Variants in SMIM10L3 observed in about 807,000 individuals in gnomAD.
The protein encoded by SMIM10L3 is small integral membrane protein 10 like 3, also known as salivary gland specific protein SAGSIN1.
chr7:6,347,860 C>G, the SMIM10L3 span, among the ~76,000 whole-genome samples: 7 of 149,398 alleles, frequency 4.7e-5, no homozygotes, highest in Non-Finnish European at 8.9e-5. Context: ...TCGAGACCAG[C>G]CTGGGCAACA....
the SMIM10L3 span, chr7:6,330,848 C>G: frequency 2.5e-6 from 4 of 1,614,196 alleles, no homozygotes; most frequent in South Asian, 4.4e-5. Flanking sequence ...AAACCCACGG[C>G]TGTGCTCGGA....
At chr7:6,348,234 G>T in the SMIM10L3 span, among the ~76,000 whole-genome samples, 3,009 of 147,712 alleles carry the variant, frequency 0.02, 59 homozygotes, top group East Asian at 0.053. Flanking sequence ...TAAAAATAAG[G>T]GGGGGGGTTG....
At chr7:6,346,036 T>C in the SMIM10L3 span, among the ~76,000 whole-genome samples, 196 of 152,284 alleles carry the variant, frequency 1.3e-3, 1 homozygote, top group African/African-American at 4.5e-3. Flanking sequence ...CCCAATATAC[T>C]GGGATTACAG....
At chr7:6,335,272 G>C in the SMIM10L3 span, among the ~76,000 whole-genome samples, 4 of 151,526 alleles carry the variant, frequency 2.6e-5, no homozygotes, top group African/African-American at 9.7e-5. Flanking sequence ...GCCCAGGCTG[G>C]AGGGCAATGG....
At chr7:6,347,199 T>G in the SMIM10L3 span, among the ~76,000 whole-genome samples, 62,910 of 152,010 alleles carry the variant, frequency 0.41, 13,762 homozygotes, top group East Asian at 0.88. Flanking sequence ...AAAAGGCAAC[T>G]GGAATTCAAG....
the SMIM10L3 span, among the ~76,000 whole-genome samples, chr7:6,334,120 A>G: frequency 1.3e-5 from 2 of 150,762 alleles, no homozygotes; most frequent in Non-Finnish European, 3.0e-5. Flanking sequence ...TGCTGGGATT[A>G]CAAGCGTGAG....
the SMIM10L3 span, among the ~76,000 whole-genome samples, chr7:6,339,046 G>A: frequency 2.6e-4 from 39 of 152,250 alleles, no homozygotes; most frequent in Middle Eastern, 3.4e-3. Context: ...CAAACCCCCG[G>A]ATTTCCACAC....
At chr7:6,342,654 C>T in the SMIM10L3 span, among the ~76,000 whole-genome samples, 2 of 152,142 alleles carry the variant, frequency 1.3e-5, no homozygotes, top group Non-Finnish European at 2.9e-5. Context: ...AGCTTACATG[C>T]AAATGTTCGT....
the SMIM10L3 span, among the ~76,000 whole-genome samples, chr7:6,344,363 C>T: frequency 6.6e-6 from 1 of 152,186 alleles, no homozygotes; most frequent in African/African-American, 2.4e-5. Context: ...CCACTCCCCA[C>T]CCCCATGATG....
chr7:6,347,238 G>C, the SMIM10L3 span, among the ~76,000 whole-genome samples: 2 of 152,202 alleles, frequency 1.3e-5, no homozygotes, highest in Non-Finnish European at 2.9e-5. Context: ...CTCTTGGCTG[G>C]GCGCTGTGGC....
At chr7:6,346,860 G>A in the SMIM10L3 span, among the ~76,000 whole-genome samples, 2 of 152,250 alleles carry the variant, frequency 1.3e-5, no homozygotes, top group East Asian at 3.9e-4. Flanking sequence ...GCTCAGACTG[G>A]TTCATTCTGC....
At chr7:6,339,241 G>A in the SMIM10L3 span, among the ~76,000 whole-genome samples, 3 of 152,118 alleles carry the variant, frequency 2.0e-5, no homozygotes, top group African/African-American at 7.2e-5. Context: ...GCCGAGGTGG[G>A]GAGATCACTT....
At chr7:6,346,567 G>A in the SMIM10L3 span, among the ~76,000 whole-genome samples, 16 of 152,118 alleles carry the variant, frequency 1.1e-4, no homozygotes, top group Non-Finnish European at 2.2e-4. Flanking sequence ...TTTTAGTAGA[G>A]ACAGGGTTTC....
the SMIM10L3 span, chr7:6,348,782 C>A: frequency 2.8e-5 from 11 of 396,250 alleles, no homozygotes; most frequent in African/African-American, 6.2e-5. Context: ...CTCCCACAGC[C>A]CCCCCGCCCG....
At chr7:6,336,758 C>T in the SMIM10L3 span, among the ~76,000 whole-genome samples, 3 of 150,736 alleles carry the variant, frequency 2.0e-5, no homozygotes, top group Non-Finnish European at 4.4e-5. Flanking sequence ...AAGGTTGGGT[C>T]ATCACCTCAC....
At chr7:6,332,930 G>A in the SMIM10L3 span, among the ~76,000 whole-genome samples, 1 of 152,130 alleles carries the variant, frequency 6.6e-6, no homozygotes, top group Non-Finnish European at 1.5e-5. Flanking sequence ...GGAGGCCAAG[G>A]CGGACAAATC....
At chr7:6,340,974 A>T in the SMIM10L3 span, among the ~76,000 whole-genome samples, 1 of 146,232 alleles carries the variant, frequency 6.8e-6, no homozygotes, top group Non-Finnish European at 1.5e-5. Context: ...CTAAAAAAAA[A>T]AAAAAAAAAA....
the SMIM10L3 span, chr7:6,330,370 G>A: frequency 5.6e-6 from 9 of 1,605,720 alleles, no homozygotes; most frequent in East Asian, 8.9e-5. Flanking sequence ...TGTTCTGCTT[G>A]TACCTTAACT....
the SMIM10L3 span, chr7:6,330,806 C>A: frequency 1.4e-5 from 23 of 1,614,206 alleles, no homozygotes; most frequent in Non-Finnish European, 1.9e-5. Context: ...CTGCAGGACA[C>A]CCGAGCAAAA....
Sources: allele counts gnomAD v4.1 joint callset (sites outside exome capture counted in the v4.1 genomes callset), GRCh38; gene constraint gnomAD v4.1.1; transcripts MANE v1.5; gene names NCBI Gene and HGNC (gene_info 2026-07-23, HGNC 2026-07-21).